The following HLA-DQA2 variants were observed in gnomAD, a reference collection of about 807,000 sequenced individuals.
HLA-DQA2 encodes major histocompatibility complex, class II, DQ alpha 2, also known as HLA class II histocompatibility antigen, DQ alpha 2 chain.
A neutral mutation model predicts 21.0 loss-of-function variants in HLA-DQA2; 17 were observed. That is an observed-to-expected ratio of 0.81 (90% CI 0.56 to 1.22). HLA-DQA2 has a LOEUF of 1.22. Ranked by LOEUF, HLA-DQA2 falls within the 50% of genes most tolerant of loss-of-function variation. HLA-DQA2 has a pLI of 0.00. For missense variants in HLA-DQA2, 239 were observed against 308.8 expected, an observed-to-expected ratio of 0.77 and a Z score of 1.69; for synonymous variants, 81 against 116.5, an observed-to-expected ratio of 0.70 and a Z score of 1.96.
In HLA-DQA2 at chr6:32,746,740, C is replaced by A. The variant is rs1401021133; in HGVS notation, c.*179C>A. Reference sequence around the variant, plus strand: ...TATATTCCCTCAGAGCTCACAAATGCCTTTCAATTCTTTCCCTGACCTCCT... The same window carrying A: ...TATATTCCCTCAGAGCTCACAAATGACTTTCAATTCTTTCCCTGACCTCCT... On this transcript the variant is annotated 3_prime_UTR_variant, in exon 5 of 5. Coordinates refer to ENST00000374940, the MANE Select transcript of HLA-DQA2 (RefSeq NM_020056.5). 2.0e-5 allele frequency: 11 copies of A among 536,672 alleles called. No individual in the cohort carries two copies. The Admixed American group carries it at 2.4e-4, about 12-fold the overall frequency. The allele number at this position is 536,672 out of a possible 1,614,324, so 33.2% of individuals were successfully genotyped here.
rs141261176 is a variant in HLA-DQA2, at chr6:32,745,424, C to T, written c.331+17C>T. ...CCACCAATGGTACGTGTCCACCATT[C>T]CGCCTCTCTTTACTGAAACTAATCT... On this transcript the variant is annotated intron_variant, in intron 2 of 4. Coordinates refer to ENST00000374940, the MANE Select transcript of HLA-DQA2 (RefSeq NM_020056.5). 4.7e-4 allele frequency: 758 copies of T among 1,605,940 alleles called. 8 individuals are homozygous for T. The East Asian group carries it at 0.014, about 31-fold the overall frequency.
In HLA-DQA2 at chr6:32,745,415, T is replaced by A; in HGVS notation, c.331+8T>A. ...CTACCGCTGCCACCAATGGTACGTG[T>A]CCACCATTCCGCCTCTCTTTACTGA... On this transcript the variant is annotated splice_region_variant and intron_variant, in intron 2 of 4. Coordinates refer to ENST00000374940, the MANE Select transcript of HLA-DQA2 (RefSeq NM_020056.5). The A allele has an allele frequency of 6.2e-7, 1 of 1,609,068 alleles. No homozygotes were observed. The highest frequency in any genetic ancestry group is 8.5e-7 in the Non-Finnish European group (1 of 1,177,918).
rs1210175975 is a variant in HLA-DQA2 at position 32,746,367 on chromosome 6, T to G, written c.741T>G (p.Gly247=). Residue 247 remains glycine, a synonymous_variant, in exon 4 of 5, where the codon GGT becomes GGG. Transcript: ENST00000374940. ...VFIIQGLRSV[G]ASRHQGLL Reference sequence around the variant, plus strand: ...TCATCCAAGGCCTGCGTTCAGTTGGTGCTTCCAGACACCAAGGGCTCTTAT... The same window carrying G: ...TCATCCAAGGCCTGCGTTCAGTTGGGGCTTCCAGACACCAAGGGCTCTTAT... The G allele has an allele frequency of 6.2e-7, 1 of 1,612,674 alleles. No individual in the cohort carries two copies. The highest frequency in any genetic ancestry group is 1.3e-5 in the African/African-American group (1 of 74,832).
At chr6:32,744,042 T>C (rs1763394588) in intron 1 of HLA-DQA2, among the ~76,000 whole-genome samples, 1 of 152,092 alleles carries the variant, frequency 6.6e-6, no homozygotes, top group Admixed American at 6.5e-5. Flanking sequence ...TTGTGAAGAA[T>C]GTCGGACTGT....
chr6:32,743,906 A>G (rs1203916497), intron 1 of HLA-DQA2, among the ~76,000 whole-genome samples: 1 of 152,222 alleles, frequency 6.6e-6, no homozygotes, highest in East Asian at 1.9e-4. Context: ...TTAACTAAGT[A>G]GAAACCTCAA....
chr6:32,741,491 C>G lies in HLA-DQA2; in HGVS notation c.48C>G (p.Ala16=). ...ALLLGALALT[A]VMSPCGGEDI... ...TGCTGGGGGCCCTCGCCCTGACTGC[C>G]GTGATGAGCCCCTGTGGAGGTGAAG... is the stretch of plus-strand genomic sequence containing the variant. The change falls in exon 1 of 5, where the codon GCC becomes GCG. Residue 16 remains alanine, a synonymous_variant. Coordinates refer to ENST00000374940, the MANE Select transcript of HLA-DQA2 (RefSeq NM_020056.5). The G allele has an allele frequency of 1.2e-6, 2 of 1,614,086 alleles. No homozygotes were observed. Among genetic ancestry groups the G allele is most frequent in the Non-Finnish European group, 1.7e-6 (2 of 1,180,022 alleles).
chr6:32,746,852 T>TATCTAAA lies in HLA-DQA2; in HGVS notation c.*296_*302dup. The TATCTAAA allele has an allele frequency of 3.5e-6, 1 of 287,534 alleles. No individual in the cohort carries two copies. Among genetic ancestry groups the TATCTAAA allele is most frequent in the East Asian group, 9.4e-5 (1 of 10,688 alleles). The allele number at this position is 287,534 out of a possible 1,614,324, so 17.8% of individuals were successfully genotyped here. On this transcript the variant is annotated 3_prime_UTR_variant, in exon 5 of 5. Coordinates refer to ENST00000374940, the MANE Select transcript of HLA-DQA2 (RefSeq NM_020056.5). ...AGCTACCTAATTCCTCAATGACCTT[T>TATCTAAA]ATCTAAAATCTCCATGGAAGCAATA...
rs191390327 is a variant in HLA-DQA2, at chr6:32,741,946, A to C, written c.82+421A>C. On this transcript the variant is annotated intron_variant, in intron 1 of 4. Transcript: ENST00000374940. ...ATATGTTGGGGTAGATAGTTCCATG[A>C]AGTATGTACACTCTATAGATATAAA... Among the ~76,000 whole-genome samples the C allele has an allele frequency of 7.2e-5, 11 of 152,256 alleles. No homozygotes were observed. The South Asian group carries it at 2.1e-3, about 29-fold the overall frequency.
chr6:32,745,751 G>A, intron 2 of HLA-DQA2, 40 bp from the exon 3 acceptor site: 6 of 1,611,056 alleles, frequency 3.7e-6, no homozygotes, highest in Non-Finnish European at 5.1e-6. Context: ...TCATGGCAGA[G>A]CTATTCACAC....
intron 1 of HLA-DQA2, among the ~76,000 whole-genome samples, 157 bp from the exon 2 acceptor site, chr6:32,745,002 G>A (rs114273397): frequency 6.8e-5 from 10 of 146,532 alleles, no homozygotes; most frequent in Non-Finnish European, 1.4e-4. Context: ...GACTACCAAC[G>A]TTAGGCAAGG....
intron 2 of HLA-DQA2, 115 bp downstream of exon 2, chr6:32,745,522 C>G: frequency 8.9e-7 from 1 of 1,127,084 alleles, no homozygotes. Context: ...GAAATTTTAT[C>G]ATCTCCCATC....
intron 1 of HLA-DQA2, among the ~76,000 whole-genome samples, chr6:32,741,749 A>G (rs965422847): frequency 6.6e-6 from 1 of 152,136 alleles, no homozygotes; most frequent in African/African-American, 2.4e-5. Flanking sequence ...TTCTGTTTAT[A>G]TTATATCCAG....
intron 4 of HLA-DQA2, 33 bp downstream of exon 4, chr6:32,746,447 A>C: frequency 2.1e-5 from 30 of 1,443,504 alleles, no homozygotes; most frequent in Non-Finnish European, 2.7e-5. Flanking sequence ...CTGAAACCTC[A>C]GTATGAGAGG....
chr6:32,746,428 T>A lies in HLA-DQA2; in HGVS notation c.*20+14T>A. On this transcript the variant is annotated intron_variant, in intron 4 of 4. Transcript: ENST00000374940. ...CTGAAAAGGAAGGTAAGATTGAGAT[T>A]TGTTGGAGCTGAAACCTCAGTATGA... 1 of 1,612,974 alleles carries A rather than the reference T, an allele frequency of 6.2e-7. No individual in the cohort carries two copies. The highest frequency in any genetic ancestry group is 8.5e-7 in the Non-Finnish European group (1 of 1,179,952).
Position 32,741,600 on chromosome 6 carries a change from C to T in HLA-DQA2, c.82+75C>T, listed in dbSNP as rs1010872537. 8.1e-6 allele frequency: 11 copies of T among 1,354,374 alleles called. No homozygotes were observed. The Admixed American group carries it at 1.7e-4, about 21-fold the overall frequency. The allele number at this position is 1,354,374 out of a possible 1,614,324, so 83.9% of individuals were successfully genotyped here. A position where few individuals can be genotyped will look rare whatever the true frequency, so the allele number is the denominator to read the frequency against. On this transcript the variant is annotated intron_variant, in intron 1 of 4. Coordinates refer to ENST00000374940, the MANE Select transcript of HLA-DQA2 (RefSeq NM_020056.5). ...AAAGGAAAAGAGAGAGTGTAATTTGCTAAGAAATAGTAGAAATTTCCCAAG... is the reference window on the plus strand; with the variant it reads ...AAAGGAAAAGAGAGAGTGTAATTTGTTAAGAAATAGTAGAAATTTCCCAAG...
chr6:32,745,433 T>C, intron 2 of HLA-DQA2, 26 bp downstream of exon 2: 1 of 1,603,554 alleles, frequency 6.2e-7, no homozygotes, highest in Non-Finnish European at 8.5e-7. Context: ...TCCGCCTCTC[T>C]TTACTGAAAC....
In HLA-DQA2 at chr6:32,745,895, A is replaced by G; in HGVS notation, c.436A>G (p.Thr146Ala). 1 of 1,613,136 alleles carries G rather than the reference A, an allele frequency of 6.2e-7. No homozygotes were observed. The highest frequency in any genetic ancestry group is 8.5e-7 in the Non-Finnish European group (1 of 1,180,054). ...DNIFPPVVNITWLSNGHSVTE... is the reference protein window; with the variant it reads ...DNIFPPVVNIAWLSNGHSVTE... The stretch of plus-strand genomic sequence containing the variant: ...CATCTTTCCTCCTGTGGTCAACATC[A>G]CCTGGCTGAGCAATGGGCACTCAGT... The change falls in exon 3 of 5, where the codon ACC becomes GCC. Residue 146 changes from threonine to alanine, a missense_variant. By Grantham distance (58) the Thr-to-Ala change is moderately conservative. Transcript: ENST00000374940.
At chr6:32,743,968 G>C (rs1364213918) in intron 1 of HLA-DQA2, among the ~76,000 whole-genome samples, 4 of 152,160 alleles carry the variant, frequency 2.6e-5, no homozygotes, top group Non-Finnish European at 5.9e-5. Context: ...CTTCTTTCAG[G>C]GAGAAAAAAC....
At chr6:32,741,895 G>A (rs1763240099) in intron 1 of HLA-DQA2, among the ~76,000 whole-genome samples, 1 of 152,262 alleles carries the variant, frequency 6.6e-6, no homozygotes, top group South Asian at 2.1e-4. Context: ...AACAACTTTT[G>A]AAGCTTTTCA....
Sources: allele counts gnomAD v4.1 joint callset (sites outside exome capture counted in the v4.1 genomes callset), GRCh38; gene constraint gnomAD v4.1.1; transcripts MANE v1.5; gene names NCBI Gene and HGNC (gene_info 2026-07-23, HGNC 2026-07-21).